Variants in ADGRL3 observed in about 807,000 individuals in gnomAD.
The protein encoded by ADGRL3 is adhesion G protein-coupled receptor L3.
ADGRL3 carries 62 observed loss-of-function variants against 153.5 expected under a neutral mutation model. The observed-to-expected ratio is 0.40, with a 90% CI of 0.33 to 0.50. The LOEUF (loss-of-function observed/expected upper bound fraction) is 0.50, where lower values mean the gene tolerates loss of function less well. Among genes scored for constraint, ADGRL3 ranks in the 20% least tolerant of loss-of-function variants. ADGRL3 has a pLI of 0.47. For missense variants in ADGRL3, 1,641 were observed against 1,859.4 expected (o/e 0.88, Z 2.16); for synonymous variants, 710 against 672.5 (o/e 1.06, Z -0.86).
chr4:61,617,671 G>T (rs1223538626), intron 5 of ADGRL3, among the ~76,000 whole-genome samples: 2 of 152,198 alleles, frequency 1.3e-5, no homozygotes, highest in African/African-American at 4.8e-5. Flanking sequence ...AACAGCATCT[G>T]CTCCCAAATC....
chr4:62,063,353 G>A (rs1430098219), intron 25 of ADGRL3, among the ~76,000 whole-genome samples: 3 of 151,856 alleles, frequency 2.0e-5, no homozygotes, highest in Non-Finnish European at 4.4e-5. Context: ...TGTGCTCTAA[G>A]TGGCATATTT....
chr4:61,818,467 C>G (rs536985992), intron 9 of ADGRL3, among the ~76,000 whole-genome samples: 1 of 152,254 alleles, frequency 6.6e-6, no homozygotes. Context: ...GTGGACCTAC[C>G]ATTCTGTGGT....
intron 5 of ADGRL3, among the ~76,000 whole-genome samples, chr4:61,646,246 C>T (rs901357020): frequency 5.3e-5 from 8 of 152,244 alleles, no homozygotes; most frequent in Admixed American, 2.0e-4. Flanking sequence ...TCCCCTAGCT[C>T]GGAGTAATTT....
At chr4:61,672,967 A>T (rs751647392) in intron 5 of ADGRL3, among the ~76,000 whole-genome samples, 18 of 151,984 alleles carry the variant, frequency 1.2e-4, no homozygotes, top group Non-Finnish European at 2.5e-4. Context: ...TAAATGTGGT[A>T]TACATAAATA....
At position 61,782,562 on chromosome 4, in the gene ADGRL3, GCTTTGGCTTTGTGGTTT is replaced by G. The variant is rs1307931961; in HGVS notation, c.1400-31245_1400-31229del. The stretch of plus-strand genomic sequence containing the variant: ...ATTATGAGAAAAAATATTTTAGAAT[GCTTTGGCTTTGTGGTTT>G]CAAAAGAATAGTACGGATAAATACA... On this transcript the variant is annotated intron_variant, in intron 8 of 26. Coordinates refer to ENST00000683033, the MANE Select transcript of ADGRL3 (RefSeq NM_001387552.1). Among the ~76,000 whole-genome samples, 3 of 152,068 alleles carry G rather than the reference GCTTTGGCTTTGTGGTTT, an allele frequency of 2.0e-5. No homozygotes were observed. In the East Asian group the frequency reaches 5.8e-4, roughly 29 times the overall value.
intron 1 of ADGRL3, among the ~76,000 whole-genome samples, chr4:61,229,311 A>G (rs192983882): frequency 4.1e-4 from 62 of 152,350 alleles, no homozygotes; most frequent in Admixed American, 2.0e-3. Flanking sequence ...CCTATACCAA[A>G]TGAGTTGTAT....
chr4:61,745,003 C>A (rs2096635970), intron 8 of ADGRL3, among the ~76,000 whole-genome samples: 2 of 152,078 alleles, frequency 1.3e-5, no homozygotes, highest in Non-Finnish European at 2.9e-5. Flanking sequence ...GAATAACCAA[C>A]ACAGAGAAGT....
At chr4:61,457,676 C>A (rs890877295) in intron 2 of ADGRL3, among the ~76,000 whole-genome samples, 11 of 151,870 alleles carry the variant, frequency 7.2e-5, no homozygotes, top group Non-Finnish European at 1.5e-4. Flanking sequence ...CCTGAACCAG[C>A]AGTTAGGATT....
intron 1 of ADGRL3, among the ~76,000 whole-genome samples, chr4:61,336,131 T>A (rs2095669685): frequency 6.6e-6 from 1 of 152,174 alleles, no homozygotes; most frequent in Admixed American, 6.6e-5. Flanking sequence ...ATGAATAATA[T>A]AAAATACTGA....
chr4:61,592,128 A>T (rs898627028), intron 5 of ADGRL3, among the ~76,000 whole-genome samples: 6 of 151,418 alleles, frequency 4.0e-5, no homozygotes, highest in African/African-American at 7.3e-5. Flanking sequence ...CTGAAAAGTT[A>T]GTTTTCAGTT....
chr4:61,907,492 C>T (rs191465590), intron 11 of ADGRL3, among the ~76,000 whole-genome samples: 114 of 151,910 alleles, frequency 7.5e-4, no homozygotes, highest in African/African-American at 2.6e-3. Context: ...CTCCTGACCT[C>T]GTGACCCACC....
chr4:61,229,731 C>T (rs1260151692), intron 1 of ADGRL3, among the ~76,000 whole-genome samples: 2 of 151,122 alleles, frequency 1.3e-5, no homozygotes, highest in Non-Finnish European at 2.9e-5. Flanking sequence ...CAGCAAGATC[C>T]TAGCTCTACA....
intron 1 of ADGRL3, among the ~76,000 whole-genome samples, chr4:61,323,098 C>T (rs1171311107): frequency 6.6e-6 from 1 of 152,212 alleles, no homozygotes; most frequent in Non-Finnish European, 1.5e-5. Context: ...TGGAAGCTGC[C>T]AAGGCTTGAG....
At chr4:61,663,413 G>A (rs528661318) in intron 5 of ADGRL3, among the ~76,000 whole-genome samples, 16 of 152,320 alleles carry the variant, frequency 1.1e-4, no homozygotes, top group Non-Finnish European at 1.9e-4. Context: ...CCACAGCCTC[G>A]CTGGGAGCTG....
chr4:61,319,917 G>C (rs1391545383), intron 1 of ADGRL3, among the ~76,000 whole-genome samples: 1 of 152,100 alleles, frequency 6.6e-6, no homozygotes, highest in East Asian at 1.9e-4. Flanking sequence ...CTGCAGCCCA[G>C]TTCATATATT....
intron 21 of ADGRL3, among the ~76,000 whole-genome samples, chr4:62,016,667 C>T (rs1455143539): frequency 6.6e-6 from 1 of 152,102 alleles, no homozygotes; most frequent in African/African-American, 2.4e-5. Flanking sequence ...TTTAGCTACT[C>T]AGGAATTTTT....
At chr4:61,877,790 C>T (rs1012403724) in intron 9 of ADGRL3, among the ~76,000 whole-genome samples, 3 of 152,110 alleles carry the variant, frequency 2.0e-5, no homozygotes, top group Non-Finnish European at 4.4e-5. Context: ...CAAATCTTAT[C>T]TCAAATTGTA....
intron 9 of ADGRL3, among the ~76,000 whole-genome samples, chr4:61,828,110 T>G (rs2097829587): frequency 6.6e-6 from 1 of 152,192 alleles, no homozygotes; most frequent in South Asian, 2.1e-4. Flanking sequence ...TTTTAATAAG[T>G]GAATAAATGA....
chr4:61,391,661 T>G (rs1371604047), intron 2 of ADGRL3, among the ~76,000 whole-genome samples: 1 of 152,110 alleles, frequency 6.6e-6, no homozygotes, highest in Non-Finnish European at 1.5e-5. Context: ...TCATTTCTAT[T>G]ACCTGTTTTG....
Sources: allele counts gnomAD v4.1 joint callset (sites outside exome capture counted in the v4.1 genomes callset), GRCh38; gene constraint gnomAD v4.1.1; transcripts MANE v1.5; gene names NCBI Gene and HGNC (gene_info 2026-07-23, HGNC 2026-07-21).